GRIK3: variants seen among roughly 807,000 people sequenced by gnomAD.
The protein encoded by GRIK3 is glutamate ionotropic receptor kainate type subunit 3.
In GRIK3, 29 loss-of-function variants were observed where a neutral mutation model predicts 102.5. The ratio of observed to expected loss-of-function variants is 0.28; its 90% confidence interval spans 0.21 to 0.39. GRIK3 has a LOEUF of 0.39. Ranked by LOEUF, GRIK3 falls within the 10% of genes least tolerant of loss-of-function variation. The pLI is 1.00. For missense variants in GRIK3, 908 were observed against 1,252.4 expected (o/e 0.73, Z 4.15); for synonymous variants, 511 against 504.9 (o/e 1.01, Z -0.16).
chr1:36,868,478 G>A (rs1640809782), intron 5 of GRIK3, among the ~76,000 whole-genome samples: 1 of 152,228 alleles, frequency 6.6e-6, no homozygotes, highest in Non-Finnish European at 1.5e-5. Context: ...ACAGGGTGCA[G>A]AGGGAGGGAC....
At chr1:36,916,015 G>T (rs2124299435) in intron 1 of GRIK3, among the ~76,000 whole-genome samples, 1 of 152,296 alleles carries the variant, frequency 6.6e-6, no homozygotes. Flanking sequence ...GTTTGGAATT[G>T]CCTAGAGACT....
At chr1:36,812,152 G>A (rs577350989) in intron 13 of GRIK3, among the ~76,000 whole-genome samples, 10 of 152,226 alleles carry the variant, frequency 6.6e-5, no homozygotes, top group East Asian at 1.9e-4. Flanking sequence ...AGGCCCTCCA[G>A]CTCAAGGAAG....
At chr1:36,983,823 A>C (rs1018489935) in intron 1 of GRIK3, among the ~76,000 whole-genome samples, 1 of 152,094 alleles carries the variant, frequency 6.6e-6, no homozygotes, top group African/African-American at 2.4e-5. Context: ...GAAATTTTAG[A>C]TTTCCACTCA....
intron 1 of GRIK3, among the ~76,000 whole-genome samples, chr1:36,895,854 T>A (rs1246117895): frequency 6.7e-6 from 1 of 149,806 alleles, no homozygotes; most frequent in Non-Finnish European, 1.5e-5. Flanking sequence ...AAATCAAAGA[T>A]CAAGAAAAAA....
chr1:36,835,263 ACCTCTGGCCTCCAGC>A (rs1169563879), intron 10 of GRIK3, among the ~76,000 whole-genome samples: 3 of 152,138 alleles, frequency 2.0e-5, no homozygotes, highest in Non-Finnish European at 2.9e-5. Flanking sequence ...CCAACTGGCC[ACCTCTGGCCTCCAGC>A]CCTGTGGTTT....
chr1:36,861,342 G>A (rs765066737), intron 5 of GRIK3, among the ~76,000 whole-genome samples: 53 of 152,140 alleles, frequency 3.5e-4, no homozygotes, highest in Non-Finnish European at 5.6e-4. Context: ...GCTCCTCCTC[G>A]TCTACTGTCT....
intron 1 of GRIK3, among the ~76,000 whole-genome samples, chr1:36,951,485 G>A (rs1394082654): frequency 1.3e-5 from 2 of 152,210 alleles, no homozygotes; most frequent in Non-Finnish European, 2.9e-5. Context: ...GGGGGACCAA[G>A]TGGCCAGAGC....
At chr1:36,949,574 C>CTTTTTTTTTTTTTTTTTTTT (rs60157852) in intron 1 of GRIK3, among the ~76,000 whole-genome samples, 5 of 99,668 alleles carry the variant, frequency 5.0e-5, no homozygotes, top group African/African-American at 2.0e-4. Flanking sequence ...CTCTCTCTTT[C>CTTTTTTTTTTTTTTTTTTTT]TTTTTTTTTT....
chr1:36,855,679 T>G (rs1640643546), intron 7 of GRIK3, among the ~76,000 whole-genome samples: 1 of 152,240 alleles, frequency 6.6e-6, no homozygotes. Context: ...ATCACAAGGA[T>G]GTGACAGAGG....
At chr1:36,992,814 T>C (rs993028982) in intron 1 of GRIK3, among the ~76,000 whole-genome samples, 16 of 152,162 alleles carry the variant, frequency 1.1e-4, no homozygotes, top group Admixed American at 9.8e-4. Context: ...ACACCATCAC[T>C]ACCCACATTT....
In GRIK3 at chr1:36,842,054, G is replaced by A. The variant is rs1025861766; in HGVS notation, c.1327-115C>T. The A allele has an allele frequency of 3.5e-6, 3 of 867,968 alleles. No individual in the cohort carries two copies. In the African/African-American group the frequency reaches 4.9e-5, roughly 14 times the overall value. The allele number at this position is 867,968 out of a possible 1,614,324, so 53.8% of individuals were successfully genotyped here. On this transcript the variant is annotated intron_variant, in intron 9 of 15. Transcript: ENST00000373091. ...CTCATGTTTTTATAAACCCCTTGGA[G>A]TGGCTTAGACAAAGGGCCCGTGAAG...
Position 36,805,160 on chromosome 1 carries a change from TCTC to T in GRIK3, c.2389_2391del (p.Glu797del). 6.2e-7 allele frequency: 1 copy of T among 1,614,044 alleles called. No individual in the cohort carries two copies. Among genetic ancestry groups the T allele is most frequent in the Non-Finnish European group, 8.5e-7 (1 of 1,179,990 alleles). ...GGACACCCGCTGCCCCGCCACCACT[TCTC>T]CTTCATGATATGCAGCTTGTCCTCC... is the stretch of plus-strand genomic sequence containing the variant. On this transcript the variant is annotated inframe_deletion, in exon 15 of 16. Transcript: ENST00000373091.
At chr1:36,877,139 T>A (rs1475924892) in intron 3 of GRIK3, among the ~76,000 whole-genome samples, 2 of 152,138 alleles carry the variant, frequency 1.3e-5, no homozygotes, top group Non-Finnish European at 2.9e-5. Flanking sequence ...GCTGCAGACC[T>A]GAGCATCAGC....
Position 37,034,051 on chromosome 1 carries a change from G to T in GRIK3, c.58C>A (p.Leu20Ile). ...SLVWEYWAGL[L>I]VCAFWIPDSR... is the part of the protein sequence containing the mutation. Reference sequence around the variant, plus strand: ...TCCGGGATCCAGAAGGCGCACACGAGGAGCCCGGCCCAGTATTCCCAAACC... The same window carrying T: ...TCCGGGATCCAGAAGGCGCACACGATGAGCCCGGCCCAGTATTCCCAAACC... Residue 20 changes from leucine to isoleucine, a missense_variant, in exon 1 of 16, where the codon CTC becomes ATC. By Grantham distance (5) the Leu-to-Ile change is conservative (BLOSUM62 2). Transcript: ENST00000373091. 6.2e-7 allele frequency: 1 copy of T among 1,606,740 alleles called. No homozygotes were observed. Among genetic ancestry groups the T allele is most frequent in the Non-Finnish European group, 8.5e-7 (1 of 1,177,388 alleles).
chr1:36,896,670 C>G (rs995230492), intron 1 of GRIK3, among the ~76,000 whole-genome samples: 4 of 152,116 alleles, frequency 2.6e-5, no homozygotes, highest in African/African-American at 4.8e-5. Context: ...TATATCAATT[C>G]TCATTTTAAA....
chr1:36,920,411 C>G (rs544011683), intron 1 of GRIK3, among the ~76,000 whole-genome samples: 5 of 152,266 alleles, frequency 3.3e-5, no homozygotes, highest in South Asian at 2.1e-4. Context: ...CCAGATCCCC[C>G]CTCCCTGCTG....
chr1:36,914,120 T>C (rs1192663921), intron 1 of GRIK3, among the ~76,000 whole-genome samples: 1 of 152,210 alleles, frequency 6.6e-6, no homozygotes, highest in African/African-American at 2.4e-5. Flanking sequence ...AGCTTTCTCA[T>C]CTAGCAACAG....
At chr1:37,002,519 T>C (rs1450666846) in intron 1 of GRIK3, among the ~76,000 whole-genome samples, 1 of 152,230 alleles carries the variant, frequency 6.6e-6, no homozygotes, top group East Asian at 1.9e-4. Context: ...GCACTTGAAC[T>C]GCATCCTCGG....
At chr1:36,923,226 A>G (rs1032025597) in intron 1 of GRIK3, among the ~76,000 whole-genome samples, 5 of 152,258 alleles carry the variant, frequency 3.3e-5, no homozygotes, top group Admixed American at 2.0e-4. Flanking sequence ...ACAGCAAATG[A>G]GGAATTAATG....
Sources: allele counts gnomAD v4.1 joint callset (sites outside exome capture counted in the v4.1 genomes callset), GRCh38; gene constraint gnomAD v4.1.1; transcripts MANE v1.5; gene names NCBI Gene and HGNC (gene_info 2026-07-23, HGNC 2026-07-21).